MED12: variants seen among roughly 807,000 people sequenced by gnomAD.
MED12 encodes the protein mediator complex subunit 12.
Under a neutral mutation model 177.7 loss-of-function variants are expected in MED12, and 10 were observed. The ratio of observed to expected loss-of-function variants is 0.06; its 90% confidence interval spans 0.03 to 0.10. The LOEUF (loss-of-function observed/expected upper bound fraction) is 0.10. Among genes scored for constraint, MED12 ranks in the 10% least tolerant of loss-of-function variants. MED12 has a pLI of 1.00. For synonymous variants in MED12, 641 were observed against 678.4 expected, an observed-to-expected ratio of 0.94 and a Z score of 0.86; for missense variants, 867 against 1,780.8, an observed-to-expected ratio of 0.49 and a Z score of 9.23.
chrX:71,129,785 G>A lies in MED12; in HGVS notation c.3797G>A (p.Arg1266His), dbSNP rs587780391. The A allele has an allele frequency of 1.2e-4, 148 of 1,208,906 alleles. 1 individual carries two copies. In the Middle Eastern group the frequency reaches 2.5e-3, roughly 21 times the overall value. Residue 1266 changes from arginine to histidine, a missense_variant, in exon 27 of 45, where the codon CGC becomes CAC. Arg to His is a conservative substitution (Grantham distance 29). This residue lies in a region of MED12 where 29 missense variants were observed against 31.3 expected (regional missense o/e 0.93). Coordinates refer to ENST00000374080, the MANE Select transcript of MED12 (RefSeq NM_005120.3). ...AGTGGTGGTCGGAGGCAGGGTGGCC[G>A]CAACATCTCTGTGGAGACAGCCAGT... ...GGSGGRRQGGRNISVETASLD... is the reference protein window; with the variant it reads ...GGSGGRRQGGHNISVETASLD...
chrX:71,125,246 G>C lies in MED12; in HGVS notation c.2226+100G>C, dbSNP rs1450190689. On this transcript the variant is annotated intron_variant, in intron 15 of 44. Coordinates refer to ENST00000374080, the MANE Select transcript of MED12 (RefSeq NM_005120.3). ...GAGCTGTTCTGAGGATGTGGGTTGG[G>C]AAAGGGAAGGGCTTTAGCATGTGGA... 4.2e-6 allele frequency: 5 copies of C among 1,195,250 alleles called. No individual in the cohort carries two copies. The East Asian group carries it at 1.5e-4, about 35-fold the overall frequency.
chrX:71,138,072 C>T, intron 41 of MED12, 129 bp downstream of exon 41: 2 of 627,758 alleles, frequency 3.2e-6, no homozygotes. Flanking sequence ...ACTTATCTGG[C>T]CACATAGCCC....
In MED12 at chrX:71,137,243, A is replaced by G. The variant is rs2092334890; in HGVS notation, c.5608A>G (p.Thr1870Ala). ...GCGCTTACCAATGCAGAAGCTGCCC[A>G]CCCGACCAACTTACCCTGGAGTGCT... ...PVRLPMQKLPTRPTYPGVLPT... is the reference protein window; with the variant it reads ...PVRLPMQKLPARPTYPGVLPT... The change falls in exon 39 of 45, where the codon ACC becomes GCC. Residue 1870 changes from threonine to alanine, a missense_variant. Physicochemically the swap from Thr to Ala is moderately conservative, Grantham distance 58. Coordinates refer to ENST00000374080, the MANE Select transcript of MED12 (RefSeq NM_005120.3). The G allele has an allele frequency of 1.7e-6, 2 of 1,209,917 alleles. No individual in the cohort carries two copies. Among genetic ancestry groups the G allele is most frequent in the African/African-American group, 1.8e-5 (1 of 57,077 alleles).
chrX:71,131,648 C>A (rs1351379628), intron 29 of MED12, 27 bp downstream of exon 29: 4 of 1,190,315 alleles, frequency 3.4e-6, no homozygotes, highest in Non-Finnish European at 4.6e-6. Context: ...CCCTCCCTTT[C>A]CTGTGCTCAC....
chrX:71,126,096 A>T lies in MED12; in HGVS notation c.2483A>T (p.Asp828Val). Residue 828 changes from aspartate to valine, a missense_variant, in exon 18 of 45, where the codon GAT (aspartate) becomes GTT (valine). This residue lies in a region of MED12 where 309 missense variants were observed against 556.3 expected (regional missense o/e 0.56). Transcript: ENST00000374080. ...CCTGAAGCCTTCCCCACTGCTGAAG[A>T]TATCTTTGCTAAGTTCCAGCACCTT... is the stretch of plus-strand genomic sequence containing the variant. ...NRPEAFPTAEDIFAKFQHLSH... is the reference protein window; with the variant it reads ...NRPEAFPTAEVIFAKFQHLSH... The T allele has an allele frequency of 8.3e-7, 1 of 1,211,521 alleles. No individual in the cohort carries two copies. Among genetic ancestry groups the T allele is most frequent in the Admixed American group, 2.2e-5 (1 of 46,063 alleles).
rs2147778793 is a variant in MED12, at chrX:71,121,390, C to G, written c.799C>G (p.Pro267Ala). ...WVLECFEKIR[P>A]GEDELLKLLL... is the part of the protein sequence containing the mutation. Reference sequence around the variant, plus strand: ...GCTTGAGTGTTTTGAGAAGATCCGCCCTGGAGAGGATGAATTGCTTAAACT... The same window carrying G: ...GCTTGAGTGTTTTGAGAAGATCCGCGCTGGAGAGGATGAATTGCTTAAACT... The change falls in exon 6 of 45, where the codon CCT becomes GCT. Residue 267 changes from proline to alanine, a missense_variant. Around this residue, in one of 14 missense-constraint regions of MED12, gnomAD observed 309 missense variants for 556.3 expected, o/e 0.56. Coordinates refer to ENST00000374080, the MANE Select transcript of MED12 (RefSeq NM_005120.3). 1 of 1,211,676 alleles carries G rather than the reference C, an allele frequency of 8.3e-7. No homozygotes were observed.
At position 71,126,403 on chromosome X, in the gene MED12, T is replaced by C. The variant is rs769804888; in HGVS notation, c.2604T>C (p.Pro868=). The C allele has an allele frequency of 3.3e-6, 4 of 1,210,017 alleles. No homozygotes were observed. The African/African-American group carries it at 7.0e-5, about 21-fold the overall frequency. Residue 868 remains proline, a synonymous_variant, in exon 19 of 45, where the codon CCT becomes CCC. Coordinates refer to ENST00000374080, the MANE Select transcript of MED12 (RefSeq NM_005120.3). ...CCCTTGGCATGTCATACCACTTGCC[T>C]CTGGTGCAGCATGTGCAGTTCATCT... is the stretch of plus-strand genomic sequence containing the variant. ...SFALGMSYHL[P]LVQHVQFIFD...
Position 71,142,379 on chromosome X carries a change from G to A in MED12, c.*161G>A. 1 of 498,856 alleles carries A rather than the reference G, an allele frequency of 2.0e-6. No individual in the cohort carries two copies. Among genetic ancestry groups the A allele is most frequent in the South Asian group, 3.1e-5 (1 of 32,102 alleles). 41.1% of individuals were successfully genotyped at this position (498,856 alleles called of 1,213,427 possible). ...TTTTGTTAATGTGAGGCATTGAGCT[G>A]TTGGGTTTTGTATATTATTTATATA... On this transcript the variant is annotated 3_prime_UTR_variant, in exon 45 of 45. Coordinates refer to ENST00000374080, the MANE Select transcript of MED12 (RefSeq NM_005120.3).
chrX:71,131,736 T>G, intron 29 of MED12, 115 bp downstream of exon 29: 1 of 730,322 alleles, frequency 1.4e-6, no homozygotes, highest in Non-Finnish European at 2.1e-6. Flanking sequence ...AGCTGAGAGA[T>G]AAGAGGGGAT....
In MED12 at chrX:71,133,139, G is replaced by A. The variant is rs1175964573; in HGVS notation, c.4544G>A (p.Arg1515Gln). ...CTATTCTAGATTGTGAATAATTGGC[G>A]AGATGACCAGTACTTAGATGATTGC... ...SQVHQIVNNWRDDQYLDDCKP... is the reference protein window; with the variant it reads ...SQVHQIVNNWQDDQYLDDCKP... The change falls in exon 33 of 45, where the codon CGA becomes CAA. Residue 1515 changes from arginine (R) to glutamine (Q), a missense_variant. Physicochemically the swap from Arg to Gln is conservative, Grantham distance 43. Coordinates refer to ENST00000374080, the MANE Select transcript of MED12 (RefSeq NM_005120.3). The A allele has an allele frequency of 2.5e-6, 3 of 1,195,852 alleles. No individual in the cohort carries two copies. The highest frequency in any genetic ancestry group is 3.0e-5 in the East Asian group (1 of 33,727).
At position 71,134,524 on chromosome X, in the gene MED12, C is replaced by T. The variant is rs986608925; in HGVS notation, c.4727+58C>T. ...ATACCCAAGAAGCTCCCCCTACTCC[C>T]ATGCCAGGTGCACCCACTGAGATTG... On this transcript the variant is annotated intron_variant, in intron 34 of 44. Transcript: ENST00000374080. The T allele has an allele frequency of 7.6e-5, 70 of 920,223 alleles. 1 individual carries two copies. In the Admixed American group the frequency reaches 1.5e-3, roughly 20 times the overall value. The allele number at this position is 920,223 out of a possible 1,213,427, so 75.8% of individuals were successfully genotyped here. A position where few individuals can be genotyped will look rare whatever the true frequency, so the allele number is the denominator to read the frequency against.
At chrX:71,133,308 G>C (rs1006498513) in intron 33 of MED12, 96 bp downstream of exon 33, 2 of 590,348 alleles carry the variant, frequency 3.4e-6, no homozygotes. Context: ...TAAGGATAGA[G>C]GCCCCAGGTT....
intron 27 of MED12, 83 bp from the exon 28 acceptor site, chrX:71,129,952 G>A (rs2092312725): frequency 8.5e-7 from 1 of 1,176,535 alleles, no homozygotes. Flanking sequence ...TATACATTGT[G>A]TTCCTTAACA....
rs2147773330 is a variant in MED12, at chrX:71,119,772, C to T, written c.291C>T (p.Asn97=). The T allele has an allele frequency of 8.3e-7, 1 of 1,211,045 alleles. No individual in the cohort carries two copies. The highest frequency in any genetic ancestry group is 1.8e-5 in the South Asian group (1 of 56,871). The change falls in exon 3 of 45, where the codon AAC becomes AAT. Residue 97 remains asparagine (N), a synonymous_variant. Transcript: ENST00000374080. Reference sequence around the variant, plus strand: ...CTGGTCGCAGGAAGCCCCAAGTGAACCAGAAGGATAACTTCTGGCTGGTGA... The same window carrying T: ...CTGGTCGCAGGAAGCCCCAAGTGAATCAGAAGGATAACTTCTGGCTGGTGA... ...PDTGRRKPQV[N]QKDNFWLVTA... is the part of the protein sequence containing the mutation.
rs1252179810 is a variant in MED12 at position 71,135,638 on chromosome X, C to T, written c.5025+385C>T. 3.8e-4 allele frequency among the ~76,000 whole-genome samples: 42 copies of T among 111,988 alleles called. 1 individual carries two copies. Among genetic ancestry groups the T allele is most frequent in the Non-Finnish European group, 1.9e-5 (1 of 53,201 alleles). On this transcript the variant is annotated intron_variant, in intron 36 of 44. Transcript: ENST00000374080. ...CTCTGCACACTTTTATCTTTTCCCTCTCTGTCAGTTGCGGTATTTGTTGAG... is the reference window on the plus strand; with the variant it reads ...CTCTGCACACTTTTATCTTTTCCCTTTCTGTCAGTTGCGGTATTTGTTGAG...
chrX:71,138,332 A>G (rs1209892403), intron 41 of MED12, among the ~76,000 whole-genome samples: 1 of 110,513 alleles, frequency 9.0e-6, no homozygotes, highest in Admixed American at 9.6e-5. Context: ...CAAAAAAAAT[A>G]CATATTTTTT....
intron 36 of MED12, among the ~76,000 whole-genome samples, chrX:71,136,028 C>T (rs902892636): frequency 4.6e-5 from 5 of 108,128 alleles, no homozygotes; most frequent in African/African-American, 6.8e-5. Flanking sequence ...CCCCCCGCCC[C>T]GTTAGTTCAT....
chrX:71,134,923 T>C (rs2092328410), intron 35 of MED12, 75 bp downstream of exon 35: 2 of 1,185,794 alleles, frequency 1.7e-6, no homozygotes, highest in African/African-American at 1.7e-5. Flanking sequence ...TGCTTCTGGC[T>C]GGAGCCCTCT....
In MED12 at chrX:71,130,131, C is replaced by A; in HGVS notation, c.3964C>A (p.Gln1322Lys). Reference protein sequence around the residue: ...LSSAQAQRLMQLICYPHRLLD... With the variant: ...LSSAQAQRLMKLICYPHRLLD... The stretch of plus-strand genomic sequence containing the variant: ...TAGTGCCCAGGCGCAGCGCCTCATG[C>A]AGCTCATTTGCTATCCACATCGACT... Residue 1322 changes from glutamine (Q) to lysine (K), a missense_variant, in exon 28 of 45, where the codon CAG becomes AAG. By Grantham distance (53) the Gln-to-Lys change is moderately conservative. Coordinates refer to ENST00000374080, the MANE Select transcript of MED12 (RefSeq NM_005120.3). The A allele has an allele frequency of 8.3e-7, 1 of 1,210,071 alleles. No individual in the cohort carries two copies. Among genetic ancestry groups the A allele is most frequent in the Non-Finnish European group, 1.1e-6 (1 of 894,369 alleles).
Sources: allele counts gnomAD v4.1 joint callset (sites outside exome capture counted in the v4.1 genomes callset), GRCh38; gene constraint gnomAD v4.1.1; regional missense constraint gnomAD v4.1.1; transcripts MANE v1.5; gene names NCBI Gene and HGNC (gene_info 2026-07-23, HGNC 2026-07-21).